Variants in ABCC4 observed in about 807,000 individuals in gnomAD.
ABCC4 encodes ATP binding cassette subfamily C member 4 (PEL blood group).
Under a neutral mutation model 168.5 loss-of-function variants are expected in ABCC4, and 102 were observed. That is an observed-to-expected ratio of 0.61 (90% CI 0.52 to 0.71). ABCC4 has a LOEUF of 0.71. Ranked by LOEUF, ABCC4 falls within the 30% of genes least tolerant of loss-of-function variation. ABCC4 has a pLI of 0.00. For synonymous variants in ABCC4, 617 were observed against 590.7 expected (o/e 1.04, Z -0.65); for missense variants, 1,402 against 1,605.8 (o/e 0.87, Z 2.17).
intron 25 of ABCC4, among the ~76,000 whole-genome samples, chr13:95,064,295 T>TAC (rs1188904783): frequency 7.5e-4 from 69 of 92,098 alleles, no homozygotes; most frequent in Non-Finnish European, 1.1e-3. Flanking sequence ...TATATATATA[T>TAC]ATACACACAC....
At chr13:95,237,100 C>T (rs1002038714) in intron 3 of ABCC4, among the ~76,000 whole-genome samples, 3 of 152,148 alleles carry the variant, frequency 2.0e-5, no homozygotes, top group East Asian at 1.9e-4. Flanking sequence ...ATGATTCAAA[C>T]GGCAAGAGGG....
intron 20 of ABCC4, among the ~76,000 whole-genome samples, chr13:95,089,922 C>A (rs557175444): frequency 2.2e-3 from 332 of 152,124 alleles, no homozygotes; most frequent in Non-Finnish European, 3.0e-3. Context: ...GGGATCATGG[C>A]AGACGAGAGG....
At chr13:95,257,365 G>A (rs769096289) in intron 1 of ABCC4, among the ~76,000 whole-genome samples, 1 of 152,192 alleles carries the variant, frequency 6.6e-6, no homozygotes, top group Admixed American at 6.5e-5. Flanking sequence ...AGAGGTGGAA[G>A]AGGCTGAAGA....
intron 19 of ABCC4, among the ~76,000 whole-genome samples, chr13:95,139,950 T>A (rs932167573): frequency 6.6e-6 from 1 of 152,216 alleles, no homozygotes; most frequent in African/African-American, 2.4e-5. Context: ...ACTGATTCCA[T>A]GCTGACCTCC....
chr13:95,288,155 G>C (rs553594630), intron 1 of ABCC4, among the ~76,000 whole-genome samples: 1 of 152,168 alleles, frequency 6.6e-6, no homozygotes, highest in East Asian at 1.9e-4. Flanking sequence ...GGATACTGAA[G>C]CCCAGAGTGG....
At chr13:95,291,342 C>A (rs947964649) in intron 1 of ABCC4, among the ~76,000 whole-genome samples, 7 of 150,296 alleles carry the variant, frequency 4.7e-5, no homozygotes, top group Admixed American at 2.0e-4. Context: ...GCTGGCAAGG[C>A]AAGATCCTGT....
At chr13:95,142,223 T>C (rs1022557172) in intron 19 of ABCC4, among the ~76,000 whole-genome samples, 5 of 152,226 alleles carry the variant, frequency 3.3e-5, no homozygotes, top group African/African-American at 7.2e-5. Context: ...CCGTGGAATA[T>C]AGATACGACA....
In ABCC4 at chr13:95,170,454, C is replaced by T. The variant is rs1055063139; in HGVS notation, c.1824+78G>A. ...AATCCCAGCTCTGAGAAGAAAGGAA[C>T]ATGAAATGGAGGAAGAAGAAGGGGA... On this transcript the variant is annotated intron_variant, in intron 14 of 30. Coordinates refer to ENST00000645237, the MANE Select transcript of ABCC4 (RefSeq NM_005845.5). 1.0e-5 allele frequency: 8 copies of T among 800,968 alleles called. No homozygotes were observed. The African/African-American group carries it at 1.0e-4, about 10-fold the overall frequency. The allele number at this position is 800,968 out of a possible 1,614,324, so 49.6% of individuals were successfully genotyped here.
At chr13:95,272,153 T>C (rs1161307479) in intron 1 of ABCC4, among the ~76,000 whole-genome samples, 4 of 152,086 alleles carry the variant, frequency 2.6e-5, no homozygotes, top group Non-Finnish European at 5.9e-5. Flanking sequence ...CAAGTGATTC[T>C]CCTGCCTCAG....
intron 1 of ABCC4, among the ~76,000 whole-genome samples, chr13:95,297,149 T>C (rs925087128): frequency 6.6e-6 from 1 of 151,690 alleles, no homozygotes. Context: ...TGGGCACTTG[T>C]AATCCCAGCT....
chr13:95,253,981 C>T (rs2040332271), intron 1 of ABCC4, among the ~76,000 whole-genome samples: 1 of 152,166 alleles, frequency 6.6e-6, no homozygotes, highest in Admixed American at 6.5e-5. Context: ...CAGCCTCAAC[C>T]TCCCAGGCCC....
chr13:95,152,290 G>A (rs1264857728), intron 19 of ABCC4, among the ~76,000 whole-genome samples: 1 of 152,184 alleles, frequency 6.6e-6, no homozygotes. Flanking sequence ...CCAGCTGTAA[G>A]ACAAAAAACA....
chr13:95,045,118 C>A (rs975311653), intron 27 of ABCC4, among the ~76,000 whole-genome samples: 3 of 152,220 alleles, frequency 2.0e-5, no homozygotes, highest in Non-Finnish European at 4.4e-5. Context: ...ACAAGAACCC[C>A]TCTTCCAGGT....
At chr13:95,114,295 G>C (rs1203549651) in intron 20 of ABCC4, among the ~76,000 whole-genome samples, 2 of 152,102 alleles carry the variant, frequency 1.3e-5, no homozygotes, top group African/African-American at 2.4e-5. Context: ...CTCCATATGT[G>C]AGACAAAGCA....
chr13:95,062,467 C>T (rs1441781853), intron 26 of ABCC4, among the ~76,000 whole-genome samples: 1 of 144,456 alleles, frequency 6.9e-6, no homozygotes, highest in Non-Finnish European at 1.5e-5. Flanking sequence ...AGAAATCTAT[C>T]TGCGTAAGTT....
chr13:95,089,268 A>C (rs1250158420), intron 20 of ABCC4, among the ~76,000 whole-genome samples: 1 of 152,222 alleles, frequency 6.6e-6, no homozygotes, highest in East Asian at 1.9e-4. Context: ...GAGAATTGGA[A>C]TCCAGCATTA....
chr13:95,072,913 A>G (rs1382380133), intron 24 of ABCC4, among the ~76,000 whole-genome samples: 1 of 152,246 alleles, frequency 6.6e-6, no homozygotes, highest in African/African-American at 2.4e-5. Flanking sequence ...CTAAGAAATT[A>G]GCTTATATCC....
At chr13:95,247,622 A>C (rs2040140456) in intron 2 of ABCC4, 21 bp downstream of exon 2, 2 of 1,593,668 alleles carry the variant, frequency 1.3e-6, no homozygotes, top group Non-Finnish European at 1.7e-6. Flanking sequence ...CTTAATGCCC[A>C]CTTTACTGCC....
intron 30 of ABCC4, among the ~76,000 whole-genome samples, chr13:95,027,023 G>T (rs2031584418): frequency 1.3e-5 from 2 of 152,146 alleles, no homozygotes; most frequent in South Asian, 2.1e-4. Context: ...AGTGAAAGAA[G>T]GTGTGACCCA....
Sources: allele counts gnomAD v4.1 joint callset (sites outside exome capture counted in the v4.1 genomes callset), GRCh38; gene constraint gnomAD v4.1.1; transcripts MANE v1.5; gene names NCBI Gene and HGNC (gene_info 2026-07-23, HGNC 2026-07-21).